DARS1: variants seen among roughly 807,000 people sequenced by gnomAD.
DARS1 encodes the protein aspartate--tRNA ligase, cytoplasmic.
Under a neutral mutation model 68.8 loss-of-function variants are expected in DARS1, and 51 were observed. The observed-to-expected ratio is 0.74, with a 90% CI of 0.59 to 0.94. The LOEUF (loss-of-function observed/expected upper bound fraction) is 0.94. DARS1 is among the 40% of genes least tolerant of loss of function. DARS1 has a pLI of 0.00. For synonymous variants in DARS1, 203 were observed against 190.4 expected (o/e 1.07, Z -0.55); for missense variants, 607 against 597.3 (o/e 1.02, Z -0.17).
chr2:135,909,658 T>C (rs544843809), intron 15 of DARS1, among the ~76,000 whole-genome samples: 19 of 152,236 alleles, frequency 1.2e-4, no homozygotes, highest in Non-Finnish European at 2.4e-4. Flanking sequence ...CATATATATG[T>C]GAGATCACAC....
rs1682456480 is a variant in DARS1 at position 135,974,640 on chromosome 2, G to T, written c.217+4634C>A. Among the ~76,000 whole-genome samples the T allele has an allele frequency of 5.3e-5, 8 of 152,098 alleles. 1 individual carries two copies. On this transcript the variant is annotated intron_variant, in intron 3 of 15. Transcript: ENST00000264161. Reference sequence around the variant, plus strand: ...CCTTAAACTCAAAATCATTCATTTAGAACTGGAATTTCTGCTCTTTCAAAA... The same window carrying T: ...CCTTAAACTCAAAATCATTCATTTATAACTGGAATTTCTGCTCTTTCAAAA...
In DARS1 at chr2:135,921,153, C is replaced by T. The variant is rs533178863; in HGVS notation, c.812-553G>A. Reference sequence around the variant, plus strand: ...AGCCTTAATATCCTCAGTGCCTTTTCCTCCTGTCCAGTCTTTTTGACTCTA... The same window carrying T: ...AGCCTTAATATCCTCAGTGCCTTTTTCTCCTGTCCAGTCTTTTTGACTCTA... On this transcript the variant is annotated intron_variant, in intron 9 of 15. Transcript: ENST00000264161. 2.7e-5 allele frequency among the ~76,000 whole-genome samples: 4 copies of T among 149,930 alleles called. No individual in the cohort carries two copies. In the East Asian group the frequency reaches 6.2e-4, roughly 23 times the overall value.
intron 9 of DARS1, 25 bp downstream of exon 9, chr2:135,922,759 T>C (rs1681129997): frequency 1.3e-6 from 2 of 1,518,072 alleles, no homozygotes; most frequent in African/African-American, 1.4e-5. Flanking sequence ...TTAACTTGGA[T>C]AAAACATAAC....
intron 5 of DARS1, among the ~76,000 whole-genome samples, chr2:135,939,064 A>C (rs1681536881): frequency 6.6e-6 from 1 of 152,152 alleles, no homozygotes; most frequent in African/African-American, 2.4e-5. Context: ...ATAATGGGAG[A>C]CTTTAACACC....
chr2:135,982,218 A>T (rs1682650480), intron 2 of DARS1, among the ~76,000 whole-genome samples: 1 of 152,068 alleles, frequency 6.6e-6, no homozygotes, highest in African/African-American at 2.4e-5. Flanking sequence ...TTACATATAT[A>T]GAATAGAAGT....
At chr2:135,951,167 C>T (rs6740254) in intron 4 of DARS1, among the ~76,000 whole-genome samples, 1 of 152,110 alleles carries the variant, frequency 6.6e-6, no homozygotes, top group African/African-American at 2.4e-5. Context: ...TCAATTAACT[C>T]GATATAGTTA....
At position 135,960,690 on chromosome 2, in the gene DARS1, A is replaced by G. The variant is rs1321633799; in HGVS notation, c.320+706T>C. On this transcript the variant is annotated intron_variant, in intron 4 of 15. Transcript: ENST00000264161. ...TGGAAATAAAATTCTGATGAAATTG[A>G]AAAAAAACATGAAACAAAATTAGCC... is the stretch of plus-strand genomic sequence containing the variant. 2.0e-5 allele frequency among the ~76,000 whole-genome samples: 3 copies of G among 150,822 alleles called. No homozygotes were observed. The East Asian group carries it at 5.8e-4, about 29-fold the overall frequency.
At chr2:135,909,967 T>C (rs1165506656) in intron 15 of DARS1, among the ~76,000 whole-genome samples, 1 of 152,138 alleles carries the variant, frequency 6.6e-6, no homozygotes, top group Admixed American at 6.5e-5. Context: ...AATGCAAATA[T>C]GATAACAAAT....
At chr2:135,915,531 C>T (rs989871935) in intron 11 of DARS1, among the ~76,000 whole-genome samples, 26 of 152,104 alleles carry the variant, frequency 1.7e-4, no homozygotes, top group African/African-American at 6.3e-4. Context: ...ATATGATCCT[C>T]CTACCTTGGC....
chr2:135,929,424 T>C (rs936467473), intron 7 of DARS1, among the ~76,000 whole-genome samples: 11 of 152,238 alleles, frequency 7.2e-5, no homozygotes, highest in African/African-American at 2.7e-4. Flanking sequence ...TATTTTCCTT[T>C]AAATCACATT....
chr2:135,970,716 C>T (rs553344254), intron 3 of DARS1, among the ~76,000 whole-genome samples: 1 of 151,656 alleles, frequency 6.6e-6, no homozygotes, highest in Admixed American at 6.6e-5. Flanking sequence ...TTTAGCCAGA[C>T]TAAGGAAAAA....
chr2:135,949,216 A>G (rs924099791), intron 4 of DARS1, among the ~76,000 whole-genome samples: 1 of 152,176 alleles, frequency 6.6e-6, no homozygotes, highest in Admixed American at 6.5e-5. Flanking sequence ...TTTAACTTTA[A>G]AACTACTTTT....
chr2:135,912,609 TA>T, intron 12 of DARS1, 43 bp from the exon 13 acceptor site: 1 of 723,594 alleles, frequency 1.4e-6, no homozygotes, highest in Non-Finnish European at 2.4e-6. Flanking sequence ...TTTTAAAAAG[TA>T]AAATGGCTAA....
chr2:135,985,188 G>A (rs1682746434), intron 1 of DARS1: 2 of 709,312 alleles, frequency 2.8e-6, no homozygotes, highest in Admixed American at 3.1e-5. Context: ...CTTCTAGTAG[G>A]CCAAACTCCC....
intron 4 of DARS1, among the ~76,000 whole-genome samples, chr2:135,947,753 GCTCA>G (rs769130940): frequency 5.9e-5 from 9 of 151,406 alleles, no homozygotes; most frequent in Non-Finnish European, 1.3e-4. Flanking sequence ...TGCATCATCA[GCTCA>G]CTATGAAATA....
At chr2:135,962,287 A>G (rs1682119617) in intron 3 of DARS1, among the ~76,000 whole-genome samples, 1 of 152,178 alleles carries the variant, frequency 6.6e-6, no homozygotes, top group South Asian at 2.1e-4. Flanking sequence ...GTTATTATGT[A>G]TCCTTGTGAC....
chr2:135,935,460 C>T (rs993513175), intron 5 of DARS1, among the ~76,000 whole-genome samples: 2 of 151,672 alleles, frequency 1.3e-5, no homozygotes, highest in African/African-American at 2.4e-5. Context: ...ATTAGTGGGG[C>T]GTGGTGGCAG....
At chr2:135,977,595 A>G (rs1682529629) in intron 3 of DARS1, among the ~76,000 whole-genome samples, 1 of 152,216 alleles carries the variant, frequency 6.6e-6, no homozygotes. Flanking sequence ...ATTATAATAC[A>G]ATGTGACTGA....
chr2:135,978,603 C>T (rs540108399), intron 3 of DARS1, among the ~76,000 whole-genome samples: 5 of 152,344 alleles, frequency 3.3e-5, no homozygotes, highest in African/African-American at 1.2e-4. Context: ...GGCCAATTTT[C>T]TATAAGAACA....
Sources: allele counts gnomAD v4.1 joint callset (sites outside exome capture counted in the v4.1 genomes callset), GRCh38; gene constraint gnomAD v4.1.1; transcripts MANE v1.5; gene names NCBI Gene and HGNC (gene_info 2026-07-23, HGNC 2026-07-21).